IL1RAPL2: variants seen among roughly 807,000 people sequenced by gnomAD.
IL1RAPL2 encodes the protein interleukin 1 receptor accessory protein like 2, also known as X-linked interleukin-1 receptor accessory protein-like 2.
In IL1RAPL2, 3 loss-of-function variants were observed where a neutral mutation model predicts 44.1. That is an observed-to-expected ratio of 0.07 (90% CI 0.03 to 0.18). The LOEUF (loss-of-function observed/expected upper bound fraction) is 0.18. IL1RAPL2 is among the 10% of genes least tolerant of loss of function. The pLI, the probability that IL1RAPL2 is intolerant of heterozygous loss-of-function variation, is 1.00. For synonymous variants in IL1RAPL2, 181 were observed against 178.8 expected (o/e 1.01, Z -0.10); for missense variants, 391 against 496.4 (o/e 0.79, Z 2.02).
At chrX:105,533,819 A>ATGTGCTAC (rs2036658418) in intron 6 of IL1RAPL2, among the ~76,000 whole-genome samples, 1 of 111,762 alleles carries the variant, frequency 8.9e-6, no homozygotes, top group Non-Finnish European at 1.9e-5. Flanking sequence ...TGTGGAATGG[A>ATGTGCTAC]TGTGCTACAG....
At chrX:105,608,607 T>G (rs2037312952) in intron 6 of IL1RAPL2, among the ~76,000 whole-genome samples, 1 of 112,221 alleles carries the variant, frequency 8.9e-6, no homozygotes, top group Non-Finnish European at 1.9e-5. Context: ...GTTTTAAAAC[T>G]GTGATTAATC....
intron 2 of IL1RAPL2, among the ~76,000 whole-genome samples, chrX:104,975,287 C>A (rs1428822962): frequency 2.7e-5 from 3 of 111,325 alleles, no homozygotes; most frequent in South Asian, 3.8e-4. Flanking sequence ...TGAAACAGAG[C>A]AGGATTTTCA....
chrX:105,680,701 C>A (rs2147522999), intron 6 of IL1RAPL2, among the ~76,000 whole-genome samples: 1 of 111,982 alleles, frequency 8.9e-6, no homozygotes, highest in South Asian at 3.7e-4. Context: ...ATAAATATTT[C>A]ATTTCAGTTT....
chrX:105,575,855 A>G (rs906905372), intron 6 of IL1RAPL2, among the ~76,000 whole-genome samples: 2 of 111,825 alleles, frequency 1.8e-5, no homozygotes, highest in African/African-American at 6.5e-5. Context: ...CTTTTTAATA[A>G]TAGCCATTCT....
At chrX:105,693,802 A>G (rs2038055474) in intron 6 of IL1RAPL2, among the ~76,000 whole-genome samples, 1 of 111,149 alleles carries the variant, frequency 9.0e-6, no homozygotes, top group African/African-American at 3.3e-5. Flanking sequence ...AGAGATTTAA[A>G]TATGCTACAA....
intron 5 of IL1RAPL2, among the ~76,000 whole-genome samples, chrX:105,398,985 G>A (rs111553306): frequency 0.067 from 7,447 of 111,347 alleles, 593 homozygotes; most frequent in African/African-American, 0.23. Flanking sequence ...TATCCCTGTC[G>A]ACCCTATATT....
chrX:105,161,217 C>G (rs2033321128), intron 2 of IL1RAPL2, among the ~76,000 whole-genome samples: 1 of 63,605 alleles, frequency 1.6e-5, no homozygotes, highest in Non-Finnish European at 3.1e-5. Flanking sequence ...GACCCTGTCT[C>G]AAATAATAAT....
At chrX:104,785,982 G>A (rs767872799) in intron 2 of IL1RAPL2, among the ~76,000 whole-genome samples, 15 of 112,199 alleles carry the variant, frequency 1.3e-4, no homozygotes, top group Non-Finnish European at 2.4e-4. Flanking sequence ...CAGGAATAGA[G>A]GGCATTCACT....
rs191781108 is a variant in IL1RAPL2 at position 105,299,982 on chromosome X, A to T, written c.697+32441A>T. Among the ~76,000 whole-genome samples the T allele has an allele frequency of 4.5e-3, 497 of 111,444 alleles. 4 individuals carry two copies. Among genetic ancestry groups the T allele is most frequent in the African/African-American group, 0.015 (470 of 30,600 alleles). ...GGCACAGATAGGGACCATAATCAGGATTTGAGGAATAAAACTGCTTTGCAG... is the reference window on the plus strand; with the variant it reads ...GGCACAGATAGGGACCATAATCAGGTTTTGAGGAATAAAACTGCTTTGCAG... On this transcript the variant is annotated intron_variant, in intron 5 of 10. Transcript: ENST00000372582.
At chrX:104,614,987 G>T (rs999613539) in intron 1 of IL1RAPL2, among the ~76,000 whole-genome samples, 1 of 111,274 alleles carries the variant, frequency 9.0e-6, no homozygotes, top group Non-Finnish European at 1.9e-5. Context: ...TTGCATTCAA[G>T]ATTAATATTG....
intron 5 of IL1RAPL2, among the ~76,000 whole-genome samples, chrX:105,374,714 C>T (rs2035372172): frequency 9.1e-6 from 1 of 109,860 alleles, no homozygotes; most frequent in East Asian, 2.9e-4. Context: ...TTTGGGAGGC[C>T]AAGGCGGGTG....
At chrX:105,629,920 G>A (rs749235570) in intron 6 of IL1RAPL2, among the ~76,000 whole-genome samples, 135 of 111,294 alleles carry the variant, frequency 1.2e-3, no homozygotes, top group Non-Finnish European at 2.3e-3. Context: ...CTTTGAGACT[G>A]AAATTATGGT....
chrX:105,394,195 A>T (rs1490580741), intron 5 of IL1RAPL2, among the ~76,000 whole-genome samples: 1 of 112,193 alleles, frequency 8.9e-6, no homozygotes, highest in Non-Finnish European at 1.9e-5. Context: ...TTAAAGCATG[A>T]AAGTAGCCAT....
chrX:105,087,843 T>A (rs900861524), intron 2 of IL1RAPL2, among the ~76,000 whole-genome samples: 2 of 112,415 alleles, frequency 1.8e-5, no homozygotes, highest in African/African-American at 6.5e-5. Context: ...TAAAGTCTAT[T>A]TCCCTGAAAT....
At chrX:105,660,029 G>C (rs1025240327) in intron 6 of IL1RAPL2, among the ~76,000 whole-genome samples, 2 of 111,099 alleles carry the variant, frequency 1.8e-5, no homozygotes, top group East Asian at 5.7e-4. Flanking sequence ...ATTACAAAAA[G>C]GTTATAGAAC....
intron 7 of IL1RAPL2, among the ~76,000 whole-genome samples, chrX:105,737,694 T>C (rs1038716946): frequency 8.1e-5 from 9 of 111,374 alleles, no homozygotes; most frequent in Non-Finnish European, 1.5e-4. Context: ...TAAAATGAAG[T>C]TGTGGTGCCT....
At chrX:104,880,568 T>C (rs1398897832) in intron 2 of IL1RAPL2, among the ~76,000 whole-genome samples, 1 of 111,858 alleles carries the variant, frequency 8.9e-6, no homozygotes, top group Non-Finnish European at 1.9e-5. Context: ...GATCCTTACT[T>C]GTTTATTTCC....
At chrX:104,812,241 G>C (rs1932988944) in intron 2 of IL1RAPL2, among the ~76,000 whole-genome samples, 1 of 111,519 alleles carries the variant, frequency 9.0e-6, no homozygotes, top group East Asian at 2.8e-4. Context: ...TCTGCATACA[G>C]AGTCCTACAC....
chrX:104,714,161 C>T (rs1295626551), intron 2 of IL1RAPL2, among the ~76,000 whole-genome samples: 4 of 110,479 alleles, frequency 3.6e-5, no homozygotes, highest in Admixed American at 9.7e-5. Context: ...ATGTTGAATA[C>T]GAGTGGTGAG....
Sources: allele counts gnomAD v4.1 joint callset (sites outside exome capture counted in the v4.1 genomes callset), GRCh38; gene constraint gnomAD v4.1.1; transcripts MANE v1.5; gene names NCBI Gene and HGNC (gene_info 2026-07-23, HGNC 2026-07-21).